The following NRXN3 variants were observed in gnomAD, a reference collection of about 807,000 sequenced individuals.
NRXN3 encodes neurexin 3.
A neutral mutation model predicts 137.6 loss-of-function variants in NRXN3; 32 were observed. The ratio of observed to expected loss-of-function variants is 0.23; its 90% confidence interval spans 0.18 to 0.31. NRXN3 has a LOEUF of 0.31. Among genes scored for constraint, NRXN3 ranks in the 10% least tolerant of loss-of-function variants. The probability of loss-of-function intolerance (pLI) is 1.00; values close to 1 mark genes in which losing one functional copy is unlikely to be tolerated. For synonymous variants in NRXN3, 798 were observed against 784.5 expected, an observed-to-expected ratio of 1.02 and a Z score of -0.29; for missense variants, 1,574 against 2,062.5, an observed-to-expected ratio of 0.76 and a Z score of 4.59.
intron 4 of NRXN3, among the ~76,000 whole-genome samples, chr14:78,622,713 G>A (rs933231303): frequency 6.6e-5 from 10 of 152,252 alleles, no homozygotes; most frequent in African/African-American, 1.9e-4. Context: ...AGCACTCAGG[G>A]TTAGCAAGTG....
At chr14:79,634,395 T>C (rs948383021) in intron 16 of NRXN3, among the ~76,000 whole-genome samples, 7 of 152,132 alleles carry the variant, frequency 4.6e-5, no homozygotes, top group African/African-American at 1.7e-4. Flanking sequence ...GGAAAAAGCC[T>C]CATATTGACA....
chr14:78,880,999 C>T (rs547006619), intron 10 of NRXN3, among the ~76,000 whole-genome samples: 3 of 152,264 alleles, frequency 2.0e-5, no homozygotes, highest in African/African-American at 7.2e-5. Context: ...ATGCTGTTCT[C>T]ATGATAGTGA....
chr14:79,448,052 G>A (rs1477935407), intron 15 of NRXN3, among the ~76,000 whole-genome samples: 1 of 152,178 alleles, frequency 6.6e-6, no homozygotes, highest in Non-Finnish European at 1.5e-5. Flanking sequence ...TGCTTCCTGT[G>A]AGGACCTATG....
intron 20 of NRXN3, among the ~76,000 whole-genome samples, chr14:79,826,384 C>G (rs2099301377): frequency 6.6e-6 from 1 of 152,244 alleles, no homozygotes; most frequent in Non-Finnish European, 1.5e-5. Context: ...TATGTCCTTA[C>G]TCAGGTTCAC....
At chr14:79,574,274 G>A (rs1287302919) in intron 16 of NRXN3, among the ~76,000 whole-genome samples, 2 of 151,604 alleles carry the variant, frequency 1.3e-5, no homozygotes, top group East Asian at 1.9e-4. Context: ...ATCTGCAATT[G>A]TCTAAAGGTA....
intron 6 of NRXN3, among the ~76,000 whole-genome samples, chr14:78,651,675 C>T (rs1283409160): frequency 1.3e-5 from 2 of 152,358 alleles, no homozygotes; most frequent in Admixed American, 1.3e-4. Context: ...GAGCAAGTCA[C>T]ATCTTACATG....
At chr14:79,805,062 T>C in intron 19 of NRXN3, 50 bp from the exon 20 acceptor site, 5 of 1,286,102 alleles carry the variant, frequency 3.9e-6, no homozygotes, top group East Asian at 2.3e-5. Context: ...CTTATCTCTC[T>C]CTCTTCTCTC....
At chr14:78,823,298 A>G (rs1000973587) in intron 10 of NRXN3, among the ~76,000 whole-genome samples, 1 of 152,064 alleles carries the variant, frequency 6.6e-6, no homozygotes, top group Non-Finnish European at 1.5e-5. Flanking sequence ...GTCTTAGCCA[A>G]CAGGTTGTGG....
At chr14:78,386,894 C>T (rs923355800) in intron 4 of NRXN3, among the ~76,000 whole-genome samples, 6 of 151,996 alleles carry the variant, frequency 3.9e-5, no homozygotes, top group Non-Finnish European at 8.8e-5. Context: ...ATTGTCCTAT[C>T]TCAGCCTCCC....
At chr14:79,554,306 T>C (rs1488878356) in intron 16 of NRXN3, among the ~76,000 whole-genome samples, 1 of 152,136 alleles carries the variant, frequency 6.6e-6, no homozygotes, top group Non-Finnish European at 1.5e-5. Flanking sequence ...ACTCGTAAAA[T>C]GGAAACTACG....
At chr14:78,870,508 A>G (rs571413687) in intron 10 of NRXN3, among the ~76,000 whole-genome samples, 2 of 152,290 alleles carry the variant, frequency 1.3e-5, no homozygotes, top group Admixed American at 6.5e-5. Context: ...TCAAGCATTT[A>G]TCATTTTTTT....
chr14:78,499,526 G>C (rs2095846578), intron 4 of NRXN3, among the ~76,000 whole-genome samples: 1 of 152,140 alleles, frequency 6.6e-6, no homozygotes, highest in South Asian at 2.1e-4. Flanking sequence ...ATCTTTTGCT[G>C]TTTAACACAT....
At chr14:78,720,488 C>G (rs891166879) in intron 8 of NRXN3, among the ~76,000 whole-genome samples, 1 of 152,158 alleles carries the variant, frequency 6.6e-6, no homozygotes, top group African/African-American at 2.4e-5. Flanking sequence ...TTCCTTCCTG[C>G]CCCAGACTTC....
intron 16 of NRXN3, among the ~76,000 whole-genome samples, chr14:79,595,102 T>C (rs2097847377): frequency 6.6e-6 from 1 of 152,196 alleles, no homozygotes; most frequent in African/African-American, 2.4e-5. Flanking sequence ...CTTCCAAAAA[T>C]GTTTCAGTTG....
chr14:79,812,046 T>G (rs1358687500), intron 20 of NRXN3, among the ~76,000 whole-genome samples: 1 of 152,064 alleles, frequency 6.6e-6, no homozygotes, highest in Non-Finnish European at 1.5e-5. Context: ...CTCTTGCACT[T>G]TAGGCTGAGG....
chr14:79,811,190 G>A (rs899587624), intron 20 of NRXN3, among the ~76,000 whole-genome samples: 1 of 152,076 alleles, frequency 6.6e-6, no homozygotes, highest in Non-Finnish European at 1.5e-5. Context: ...AAATTCAATG[G>A]TCTGTAAATG....
At chr14:79,244,859 C>A (rs1406572342) in intron 15 of NRXN3, among the ~76,000 whole-genome samples, 6 of 152,128 alleles carry the variant, frequency 3.9e-5, no homozygotes, top group Non-Finnish European at 1.5e-5. Context: ...CAAGGGAACA[C>A]TTAAACTCTA....
intron 20 of NRXN3, among the ~76,000 whole-genome samples, chr14:79,835,296 C>T (rs555405901): frequency 1.3e-5 from 2 of 152,056 alleles, no homozygotes; most frequent in South Asian, 4.1e-4. Context: ...TAAATATGTA[C>T]AATTTTTATT....
chr14:78,198,172 T>G (rs1335436380), intron 1 of NRXN3, among the ~76,000 whole-genome samples: 3 of 152,198 alleles, frequency 2.0e-5, no homozygotes, highest in African/African-American at 7.2e-5. Context: ...TTTGATTTTC[T>G]TTTTCTGTTC....
Sources: gnomAD v4.1 joint callset for allele counts (sites outside exome capture counted in the v4.1 genomes callset) on GRCh38, gnomAD v4.1.1 for gene constraint, MANE v1.5 for transcripts, NCBI Gene and HGNC (gene_info 2026-07-23, HGNC 2026-07-21) for gene names.